CSMD3: variants seen among roughly 807,000 people sequenced by gnomAD.
CSMD3 encodes CUB and sushi domain-containing protein 3.
Under a neutral mutation model 435.2 loss-of-function variants are expected in CSMD3, and 177 were observed. That is an observed-to-expected ratio of 0.41 (90% CI 0.36 to 0.46). The LOEUF (loss-of-function observed/expected upper bound fraction) is 0.46. CSMD3 is among the 20% of genes least tolerant of loss of function. CSMD3 has a pLI of 0.34. For synonymous variants in CSMD3, 1,656 were observed against 1,520.5 expected, an observed-to-expected ratio of 1.09 and a Z score of -2.07; for missense variants, 4,265 against 4,504.6, an observed-to-expected ratio of 0.95 and a Z score of 1.52.
intron 1 of CSMD3, among the ~76,000 whole-genome samples, chr8:113,379,520 A>G (rs1334400058): frequency 6.6e-6 from 1 of 152,214 alleles, no homozygotes; most frequent in Non-Finnish European, 1.5e-5. Flanking sequence ...TGTGTAGCCT[A>G]AGAAGAAGGA....
At chr8:112,618,441 T>G (rs1054341656) in intron 22 of CSMD3, among the ~76,000 whole-genome samples, 16 of 152,090 alleles carry the variant, frequency 1.1e-4, no homozygotes, top group Admixed American at 1.1e-3. Context: ...GGAGGAAACA[T>G]CCTAAACCAG....
chr8:113,272,077 C>T (rs961379192), intron 3 of CSMD3, among the ~76,000 whole-genome samples: 1 of 152,234 alleles, frequency 6.6e-6, no homozygotes, highest in Admixed American at 6.5e-5. Flanking sequence ...TTTTCAATAC[C>T]TGTACCCCCA....
At position 113,216,834 on chromosome 8, in the gene CSMD3, G is replaced by T. The variant is rs566557467; in HGVS notation, c.515-42918C>A. Among the ~76,000 whole-genome samples, 3 of 151,940 alleles carry T rather than the reference G, an allele frequency of 2.0e-5. No homozygotes were observed. In the Admixed American group the frequency reaches 2.0e-4, roughly 10 times the overall value. Reference sequence around the variant, plus strand: ...TGTGGACAGGGTACTGAAAAGAAGAGAAATGCTAGAAGGGAGGAGGAAGTC... The same window carrying T: ...TGTGGACAGGGTACTGAAAAGAAGATAAATGCTAGAAGGGAGGAGGAAGTC... On this transcript the variant is annotated intron_variant, in intron 3 of 70. Coordinates refer to ENST00000297405, the MANE Select transcript of CSMD3 (RefSeq NM_198123.2).
At chr8:112,573,686 A>C (rs1829714310) in intron 23 of CSMD3, 29 bp from the exon 24 acceptor site, 1 of 1,482,668 alleles carries the variant, frequency 6.7e-7, no homozygotes, top group South Asian at 1.1e-5. Flanking sequence ...ATTAAAATGT[A>C]AATGTGCCAA....
At chr8:113,063,389 G>T (rs1372385386) in intron 5 of CSMD3, among the ~76,000 whole-genome samples, 1 of 151,846 alleles carries the variant, frequency 6.6e-6, no homozygotes, top group Non-Finnish European at 1.5e-5. Flanking sequence ...AAACTGTATT[G>T]ATTTAAAACA....
chr8:112,952,142 G>T (rs1310375730), intron 8 of CSMD3, among the ~76,000 whole-genome samples: 1 of 150,260 alleles, frequency 6.7e-6, no homozygotes, highest in Non-Finnish European at 1.5e-5. Context: ...TCAGAGTTCA[G>T]GTATAAAAGC....
At chr8:112,898,625 T>A (rs947816351) in intron 10 of CSMD3, among the ~76,000 whole-genome samples, 3 of 151,108 alleles carry the variant, frequency 2.0e-5, no homozygotes, top group African/African-American at 7.3e-5. Flanking sequence ...TGACATTGGG[T>A]TTCAATATTA....
At chr8:112,435,785 A>G (rs911004249) in intron 32 of CSMD3, among the ~76,000 whole-genome samples, 6 of 152,006 alleles carry the variant, frequency 3.9e-5, no homozygotes, top group Admixed American at 6.6e-5. Context: ...CTGATATACT[A>G]TGCTCTGAAA....
chr8:112,363,963 G>C (rs1827507160), intron 38 of CSMD3, among the ~76,000 whole-genome samples: 1 of 151,948 alleles, frequency 6.6e-6, no homozygotes, highest in Admixed American at 6.6e-5. Flanking sequence ...GAAAATTAGT[G>C]TAAGTAAAAA....
At chr8:112,497,433 T>C (rs1293683136) in intron 30 of CSMD3, among the ~76,000 whole-genome samples, 1 of 151,474 alleles carries the variant, frequency 6.6e-6, no homozygotes, top group East Asian at 1.9e-4. Flanking sequence ...CTGATAATGA[T>C]TATGACACAT....
intron 13 of CSMD3, among the ~76,000 whole-genome samples, chr8:112,719,226 G>A (rs972474637): frequency 3.3e-5 from 5 of 151,924 alleles, no homozygotes; most frequent in Admixed American, 1.3e-4. Flanking sequence ...GACTATTTTC[G>A]GTCAGATTAG....
At chr8:112,612,422 A>G (rs1463549052) in intron 22 of CSMD3, among the ~76,000 whole-genome samples, 1 of 152,108 alleles carries the variant, frequency 6.6e-6, no homozygotes, top group Non-Finnish European at 1.5e-5. Flanking sequence ...TCTTGTATCC[A>G]AATGGTGTGG....
chr8:112,236,381 G>C (rs915633025), intron 67 of CSMD3, among the ~76,000 whole-genome samples: 27 of 152,002 alleles, frequency 1.8e-4, no homozygotes. Flanking sequence ...TTTTGTTTCA[G>C]ATGTTCTGCT....
intron 5 of CSMD3, among the ~76,000 whole-genome samples, chr8:113,050,767 A>G (rs1246365920): frequency 6.6e-6 from 1 of 152,068 alleles, no homozygotes; most frequent in Non-Finnish European, 1.5e-5. Context: ...TGTTAAAATA[A>G]ATATATGTGA....
chr8:112,560,875 T>G (rs1828561875), intron 24 of CSMD3, among the ~76,000 whole-genome samples: 1 of 151,688 alleles, frequency 6.6e-6, no homozygotes, highest in Non-Finnish European at 1.5e-5. Flanking sequence ...ATGCAATGTA[T>G]TTTGAGTTTT....
intron 4 of CSMD3, among the ~76,000 whole-genome samples, chr8:113,161,114 C>G (rs2092030591): frequency 6.6e-6 from 1 of 152,086 alleles, no homozygotes; most frequent in Non-Finnish European, 1.5e-5. Flanking sequence ...GAATTTTAGT[C>G]TATTCTCTGA....
intron 10 of CSMD3, among the ~76,000 whole-genome samples, chr8:112,894,021 G>A (rs2081878904): frequency 6.6e-6 from 1 of 151,350 alleles, no homozygotes; most frequent in Admixed American, 6.6e-5. Context: ...AAATACATTG[G>A]ATTTAAAGCC....
chr8:112,250,470 T>C (rs1815162441), intron 63 of CSMD3, among the ~76,000 whole-genome samples: 1 of 151,572 alleles, frequency 6.6e-6, no homozygotes, highest in Admixed American at 6.6e-5. Context: ...TCTCTAAATA[T>C]CAGTGCATTA....
intron 3 of CSMD3, among the ~76,000 whole-genome samples, chr8:113,219,237 A>T (rs1215013797): frequency 6.6e-6 from 1 of 151,386 alleles, no homozygotes; most frequent in Non-Finnish European, 1.5e-5. Flanking sequence ...AGTCAATTCA[A>T]TCAGGAAAAG....
Sources: allele counts gnomAD v4.1 joint callset (sites outside exome capture counted in the v4.1 genomes callset), GRCh38; gene constraint gnomAD v4.1.1; transcripts MANE v1.5; gene names NCBI Gene and HGNC (gene_info 2026-07-23, HGNC 2026-07-21).